Variants in SORCS3 observed in about 807,000 individuals in gnomAD.
SORCS3 encodes the protein sortilin related VPS10 domain containing receptor 3, also known as VPS10 domain-containing receptor SorCS3.
In SORCS3, 57 loss-of-function variants were observed where a neutral mutation model predicts 146.3. The ratio of observed to expected loss-of-function variants is 0.39; its 90% CI spans 0.31 to 0.49. The LOEUF (loss-of-function observed/expected upper bound fraction) is 0.49. SORCS3 is among the 20% of genes least tolerant of loss of function. SORCS3 has a pLI of 0.92. For missense variants in SORCS3, 1,341 were observed against 1,575.5 expected (o/e 0.85, Z 2.52); for synonymous variants, 653 against 618.5 (o/e 1.06, Z -0.83).
intron 2 of SORCS3, among the ~76,000 whole-genome samples, chr10:104,908,889 C>T (rs530966468): frequency 6.6e-6 from 1 of 152,100 alleles, no homozygotes; most frequent in Admixed American, 6.5e-5. Context: ...AGGTAAACTA[C>T]GAAGGCCTTG....
At chr10:105,062,383 A>G (rs975643361) in intron 5 of SORCS3, among the ~76,000 whole-genome samples, 4 of 152,150 alleles carry the variant, frequency 2.6e-5, no homozygotes, top group African/African-American at 9.7e-5. Flanking sequence ...AACAACAGCA[A>G]TCTGTCTCCT....
chr10:105,090,701 G>A (rs2055695678), intron 6 of SORCS3, among the ~76,000 whole-genome samples: 1 of 152,124 alleles, frequency 6.6e-6, no homozygotes, highest in South Asian at 2.1e-4. Context: ...CTTGATACCA[G>A]GAAAAACTCC....
intron 3 of SORCS3, among the ~76,000 whole-genome samples, chr10:104,954,360 T>C (rs1386395696): frequency 6.6e-6 from 1 of 152,100 alleles, no homozygotes; most frequent in Non-Finnish European, 1.5e-5. Context: ...CACTTAAATA[T>C]TGCTGGGATT....
intron 3 of SORCS3, among the ~76,000 whole-genome samples, chr10:104,970,338 GGTTTCACAAT>G (rs1056644943): frequency 1.9e-4 from 29 of 152,030 alleles, no homozygotes; most frequent in Non-Finnish European, 2.9e-4. Context: ...GTAGAGATGG[GGTTTCACAAT>G]GTTGGCCAAG....
intron 1 of SORCS3, among the ~76,000 whole-genome samples, chr10:104,722,821 G>A (rs1190361661): frequency 6.6e-6 from 1 of 152,110 alleles, no homozygotes; most frequent in African/African-American, 2.4e-5. Flanking sequence ...GATCGGTGGT[G>A]ATATCCCCTT....
chr10:105,231,263 G>T (rs948483443), intron 20 of SORCS3, among the ~76,000 whole-genome samples: 1 of 152,124 alleles, frequency 6.6e-6, no homozygotes, highest in African/African-American at 2.4e-5. Context: ...GCTGCCTTTG[G>T]TCAGCCATCT....
Position 104,717,515 on chromosome 10 carries a change from C to T in SORCS3, c.627+75561C>T, listed in dbSNP as rs115882246. Among the ~76,000 whole-genome samples, 348 of 152,210 alleles carry T rather than the reference C, an allele frequency of 2.3e-3. 1 individual carries two copies. Among genetic ancestry groups the T allele is most frequent in the African/African-American group, 8.1e-3 (335 of 41,542 alleles). On this transcript the variant is annotated intron_variant, in intron 1 of 26. Transcript: ENST00000369701. ...GCTGTCTGTGTGAGCTGGTCTTCTC[C>T]ACTGGGCTCTTTGTGGGTCCTTCTC...
At chr10:105,086,994 GTCCTGGCCCATGCCT>G (rs2055665749) in intron 5 of SORCS3, among the ~76,000 whole-genome samples, 1 of 33,188 alleles carries the variant, frequency 3.0e-5, no homozygotes, top group Non-Finnish European at 6.9e-5. Flanking sequence ...CCATGCCTAT[GTCCTGGCCCATGCCT>G]ATGTCCTGAA....
intron 5 of SORCS3, among the ~76,000 whole-genome samples, chr10:105,048,855 C>T (rs1198176867): frequency 6.6e-6 from 1 of 152,056 alleles, no homozygotes; most frequent in East Asian, 1.9e-4. Context: ...GTATAATCTG[C>T]CTTTCTCTTC....
intron 2 of SORCS3, among the ~76,000 whole-genome samples, chr10:104,862,168 T>C (rs1174405206): frequency 6.6e-6 from 1 of 152,146 alleles, no homozygotes; most frequent in Non-Finnish European, 1.5e-5. Context: ...GAAGTGCCCA[T>C]AGCTGAGGCT....
At chr10:104,662,411 G>A (rs1175202756) in intron 1 of SORCS3, among the ~76,000 whole-genome samples, 1 of 152,172 alleles carries the variant, frequency 6.6e-6, no homozygotes, top group Non-Finnish European at 1.5e-5. Context: ...GAGCCACATT[G>A]TAAAGATGAG....
rs565510276 is a variant in SORCS3 at position 104,745,074 on chromosome 10, C to T, written c.628-97718C>T. Among the ~76,000 whole-genome samples the T allele has an allele frequency of 8.5e-5, 13 of 152,210 alleles. No homozygotes were observed. The South Asian group carries it at 2.1e-3, about 24-fold the overall frequency. On this transcript the variant is annotated intron_variant, in intron 1 of 26. Transcript: ENST00000369701. ...GTTTGTTTAAAAAAGTTAAACATAA[C>T]AATTAGTTGAGGTTTGAGGAGCGAT...
intron 14 of SORCS3, among the ~76,000 whole-genome samples, chr10:105,189,151 AT>A (rs147158653): frequency 6.6e-6 from 1 of 152,192 alleles, no homozygotes; most frequent in African/African-American, 2.4e-5. Flanking sequence ...GGGGTTCTTT[AT>A]TTGTAAATTG....
chr10:105,172,801 T>G (rs1187719288), intron 13 of SORCS3, among the ~76,000 whole-genome samples: 1 of 152,194 alleles, frequency 6.6e-6, no homozygotes, highest in Non-Finnish European at 1.5e-5. Context: ...GCTTGTAATA[T>G]ATCTGTGAGC....
At chr10:104,833,564 C>T (rs1044988330) in intron 1 of SORCS3, among the ~76,000 whole-genome samples, 2 of 152,140 alleles carry the variant, frequency 1.3e-5, no homozygotes, top group Non-Finnish European at 2.9e-5. Context: ...GTAAACACCA[C>T]GTGGTGAGCA....
intron 20 of SORCS3, among the ~76,000 whole-genome samples, chr10:105,237,820 C>A (rs897269746): frequency 6.6e-6 from 1 of 152,072 alleles, no homozygotes; most frequent in African/African-American, 2.4e-5. Flanking sequence ...TAGAAATTAT[C>A]CCCTTTTACA....
intron 2 of SORCS3, among the ~76,000 whole-genome samples, chr10:104,875,657 A>T (rs1159131940): frequency 6.6e-6 from 1 of 152,192 alleles, no homozygotes; most frequent in Non-Finnish European, 1.5e-5. Context: ...GTTGTGAGTG[A>T]GACCCAGCTG....
intron 4 of SORCS3, among the ~76,000 whole-genome samples, chr10:105,022,832 G>A (rs550714927): frequency 2.0e-5 from 3 of 152,182 alleles, no homozygotes; most frequent in South Asian, 2.1e-4. Flanking sequence ...CAGGACTTGA[G>A]TTAAAACAGG....
intron 15 of SORCS3, among the ~76,000 whole-genome samples, chr10:105,200,543 G>A (rs753714224): frequency 1.2e-4 from 19 of 152,228 alleles, no homozygotes; most frequent in Middle Eastern, 3.4e-3. Context: ...ATGGTGTCAG[G>A]GTGGGTAGGT....
Sources: gnomAD v4.1 joint callset for allele counts (sites outside exome capture counted in the v4.1 genomes callset) on GRCh38, gnomAD v4.1.1 for gene constraint, MANE v1.5 for transcripts, NCBI Gene and HGNC (gene_info 2026-07-23, HGNC 2026-07-21) for gene names.